Variants in TPM4 observed in about 807,000 individuals in gnomAD.
TPM4 encodes tropomyosin alpha-4 chain.
A neutral mutation model predicts 35.8 loss-of-function variants in TPM4; 17 were observed. That is an observed-to-expected ratio of 0.47 (90% CI 0.32 to 0.71). The LOEUF (loss-of-function observed/expected upper bound fraction) is 0.71. Among genes scored for constraint, TPM4 ranks in the 30% least tolerant of loss-of-function variants. The pLI is 0.03. For missense variants in TPM4, 240 were observed against 320.9 expected (o/e 0.75, Z 1.93); for synonymous variants, 120 against 122.9 (o/e 0.98, Z 0.15).
At chr19:16,081,112 A>G in intron 1 of TPM4, 3 of 398,532 alleles carry the variant, frequency 7.5e-6, no homozygotes, top group Non-Finnish European at 1.3e-5. Flanking sequence ...AGGGCTCCAT[A>G]GTCTTGCATT....
At position 16,067,989 on chromosome 19, in the gene TPM4, G is replaced by A. The variant is rs1259337243; in HGVS notation, c.114+251G>A. 4.0e-6 allele frequency: 2 copies of A among 496,376 alleles called. No individual in the cohort carries two copies. Among genetic ancestry groups the A allele is most frequent in the South Asian group, 2.6e-5 (1 of 37,816 alleles). 30.7% of individuals were successfully genotyped at this position (496,376 alleles called of 1,614,324 possible). On this transcript the variant is annotated intron_variant, in intron 2 of 2. Coordinates refer to the TPM4 transcript ENST00000589897. The surrounding 1 kb of genome is among the most constrained non-coding windows in gnomAD (Gnocchi z 4.1). ...TGAGTTTGACAGAGAGAGAGTTGGC[G>A]GGGGAGGGAGAGTGAGAACGTTCGT...
At position 16,082,038 on chromosome 19, in the gene TPM4, G is replaced by C. The variant is rs1259447256; in HGVS notation, c.258G>C (p.Glu86Asp). The change falls in exon 2 of 8, where the codon GAG becomes GAC. Residue 86 changes from glutamate to aspartate, a missense_variant. Glu to Asp is a conservative substitution (Grantham distance 45). Transcript: ENST00000643579. ...AGGAGGCAGAAAAAGCTGCAGATGA[G>C]AGTGAGAGGTAAGGACGCTTTGAAT... ...KLEEAEKAAD[E>D]SERGMKVIEN... 1 of 1,607,254 alleles carries C rather than the reference G, an allele frequency of 6.2e-7. No homozygotes were observed. Among genetic ancestry groups the C allele is most frequent in the East Asian group, 2.2e-5 (1 of 44,682 alleles).
At chr19:16,084,747 A>G (rs958010190) in intron 2 of TPM4, among the ~76,000 whole-genome samples, 1 of 152,158 alleles carries the variant, frequency 6.6e-6, no homozygotes, top group Non-Finnish European at 1.5e-5. Flanking sequence ...GGGGCAATAA[A>G]TAACCCAGAG....
intron 5 of TPM4, chr19:16,093,230 C>G: frequency 3.4e-6 from 1 of 294,274 alleles, no homozygotes; most frequent in Non-Finnish European, 6.5e-6. Flanking sequence ...GAGTCTTACT[C>G]TGTCACCCAG....
intron 5 of TPM4, among the ~76,000 whole-genome samples, chr19:16,092,343 G>T (rs1054671297): frequency 1.1e-4 from 17 of 152,002 alleles, no homozygotes; most frequent in Non-Finnish European, 2.1e-4. Context: ...GGAGAATGGG[G>T]TTGGAAATAC....
upstream of TPM4, chr19:16,076,005 C>CA (rs1555706856): frequency 7.8e-6 from 12 of 1,535,974 alleles, no homozygotes; most frequent in South Asian, 4.7e-5. Context: ...GGGACGTGAC[C>CA]CCCCCCCCAG....
chr19:16,080,533 G>GGGCGCAGTGGCTCA (rs1280529903), intron 1 of TPM4: 17 of 190,566 alleles, frequency 8.9e-5, no homozygotes, highest in African/African-American at 3.5e-4. Context: ...AAGCACGGTC[G>GGGCGCAGTGGCTCA]GGCGCAGTGG....
chr19:16,101,609 A>C lies in TPM4; in HGVS notation c.*263A>C. 2.6e-6 allele frequency: 1 copy of C among 377,376 alleles called. No individual in the cohort carries two copies. 23.4% of individuals were successfully genotyped at this position (377,376 alleles called of 1,614,324 possible). On this transcript the variant is annotated 3_prime_UTR_variant, in exon 8 of 8. Coordinates refer to ENST00000643579, the MANE Select transcript of TPM4 (RefSeq NM_003290.3). Reference sequence around the variant, plus strand: ...AGTAGCATTTATTCCTAAGGTAGGCAGGGTATTTCCTAGTAAGCATACTTT... The same window carrying C: ...AGTAGCATTTATTCCTAAGGTAGGCCGGGTATTTCCTAGTAAGCATACTTT...
chr19:16,068,338 G>A (rs2090319219), intron 2 of TPM4, among the ~76,000 whole-genome samples: 1 of 152,108 alleles, frequency 6.6e-6, no homozygotes, highest in South Asian at 2.1e-4. Flanking sequence ...CATCACACCC[G>A]GCTAATTTTG....
At chr19:16,083,159 A>G (rs1316667637) in intron 2 of TPM4, among the ~76,000 whole-genome samples, 3 of 152,176 alleles carry the variant, frequency 2.0e-5, no homozygotes, top group Non-Finnish European at 2.9e-5. Context: ...GCAACTGACC[A>G]TGCACCAGGT....
intron 1 of TPM4, chr19:16,077,976 T>A (rs890479014): frequency 2.6e-6 from 1 of 385,084 alleles, no homozygotes; most frequent in African/African-American, 2.1e-5. Flanking sequence ...TGTCTCACCA[T>A]GCTGGCCAGG....
chr19:16,093,556 A>G lies in TPM4; in HGVS notation c.552A>G (p.Lys184=). ...CACAGTATTCTGAAAAGGAGGACAA[A>G]TATGAAGAAGAAATTAAACTTCTGT... ...ASEKYSEKED[K]YEEEIKLLSD... Residue 184 remains lysine (K), a synonymous_variant, in exon 6 of 8, where the codon AAA becomes AAG. Coordinates refer to ENST00000643579, the MANE Select transcript of TPM4 (RefSeq NM_003290.3). The G allele has an allele frequency of 6.2e-7, 1 of 1,614,206 alleles. No individual in the cohort carries two copies. The highest frequency in any genetic ancestry group is 8.5e-7 in the Non-Finnish European group (1 of 1,180,036).
rs550333476 is a variant in TPM4, at chr19:16,092,446, C to T, written c.532-1090C>T. On this transcript the variant is annotated intron_variant, in intron 5 of 7. Coordinates refer to ENST00000643579, the MANE Select transcript of TPM4 (RefSeq NM_003290.3). ...CTCAGTTTAGGCCTTCTGATCAATACCATCCTACAGGACTCTCCCCAACAT... is the reference window on the plus strand; with the variant it reads ...CTCAGTTTAGGCCTTCTGATCAATATCATCCTACAGGACTCTCCCCAACAT... Among the ~76,000 whole-genome samples, 136 of 152,164 alleles carry T rather than the reference C, an allele frequency of 8.9e-4. 1 individual carries two copies. Among genetic ancestry groups the T allele is most frequent in the Middle Eastern group, 3.4e-3 (1 of 292 alleles).
chr19:16,099,272 G>C (rs2144966113), intron 7 of TPM4, among the ~76,000 whole-genome samples: 1 of 151,972 alleles, frequency 6.6e-6, no homozygotes, highest in South Asian at 2.1e-4. Flanking sequence ...AGTAGAGATG[G>C]GGTTTCGCCA....
chr19:16,078,899 G>C (rs902093171), intron 1 of TPM4, among the ~76,000 whole-genome samples: 3 of 150,736 alleles, frequency 2.0e-5, no homozygotes, highest in African/African-American at 7.3e-5. Flanking sequence ...GTAGACTTCT[G>C]GGCCTGTTTC....
rs549084658 is a variant in TPM4 at position 16,067,815 on chromosome 19, T to A, written c.114+77T>A. On this transcript the variant is annotated intron_variant, in intron 2 of 2. Coordinates refer to the TPM4 transcript ENST00000589897. This position sits in a 1 kb window ranked among gnomAD's most constrained non-coding sequence, Gnocchi z 4.1. Reference sequence around the variant, plus strand: ...CGGAAGGCCGGGGTCTGGAGCCCAGTTGGGGGTCGCAGACACCTGCGGGAG... The same window carrying A: ...CGGAAGGCCGGGGTCTGGAGCCCAGATGGGGGTCGCAGACACCTGCGGGAG... 68 of 1,412,240 alleles carry A rather than the reference T, an allele frequency of 4.8e-5. No homozygotes were observed. Among genetic ancestry groups the A allele is most frequent in the African/African-American group, 1.5e-4 (10 of 68,634 alleles). The allele number at this position is 1,412,240 out of a possible 1,614,324, so 87.5% of individuals were successfully genotyped here. A position where few individuals can be genotyped will look rare whatever the true frequency, so the allele number is the denominator to read the frequency against.
At chr19:16,086,930 G>A (rs995748486) in intron 3 of TPM4, among the ~76,000 whole-genome samples, 2 of 152,036 alleles carry the variant, frequency 1.3e-5, no homozygotes, top group Admixed American at 6.6e-5. Flanking sequence ...TCGCTCCTCA[G>A]GCTTGAGGAA....
intron 5 of TPM4, among the ~76,000 whole-genome samples, chr19:16,092,875 G>A (rs1157692856): frequency 6.6e-6 from 1 of 151,746 alleles, no homozygotes; most frequent in East Asian, 1.9e-4. Flanking sequence ...TTTTTTTTGA[G>A]ATGGGGTCCT....
At chr19:16,094,395 C>T (rs2090668508) in intron 7 of TPM4, among the ~76,000 whole-genome samples, 1 of 151,738 alleles carries the variant, frequency 6.6e-6, no homozygotes, top group Admixed American at 6.6e-5. Flanking sequence ...ATTAGCCAGG[C>T]GTGGTGGTGC....
Sources: allele counts gnomAD v4.1 joint callset (sites outside exome capture counted in the v4.1 genomes callset), GRCh38; gene constraint gnomAD v4.1.1; non-coding constraint Gnocchi (gnomAD v3.1); transcripts MANE v1.5; gene names NCBI Gene and HGNC (gene_info 2026-07-23, HGNC 2026-07-21).